Variants in MVB12B observed in about 807,000 individuals in gnomAD.
MVB12B encodes the protein multivesicular body subunit 12B, also known as ESCRT-I complex subunit MVB12B.
A neutral mutation model predicts 41.6 loss-of-function variants in MVB12B; 16 were observed. That is an observed-to-expected ratio of 0.38 (90% CI 0.26 to 0.58). MVB12B has a LOEUF of 0.58. Among genes scored for constraint, MVB12B ranks in the 20% least tolerant of loss-of-function variants. MVB12B has a pLI of 0.62. For missense variants in MVB12B, 274 were observed against 380.2 expected (o/e 0.72, Z 2.32); for synonymous variants, 133 against 139.7 (o/e 0.95, Z 0.34).
intron 6 of MVB12B, among the ~76,000 whole-genome samples, chr9:126,403,255 G>A (rs911040176): frequency 4.6e-5 from 7 of 152,096 alleles, no homozygotes; most frequent in African/African-American, 1.4e-4. Context: ...TCTTGGCTCC[G>A]GGGCACACCA....
intron 9 of MVB12B, among the ~76,000 whole-genome samples, chr9:126,498,267 G>C (rs145248826): frequency 0.012 from 1,851 of 152,138 alleles, 16 homozygotes; most frequent in Admixed American, 0.022. Context: ...GTGCTGAGCC[G>C]GGGGGGCTTG....
rs141171291 is a variant in MVB12B at position 126,423,026 on chromosome 9, A to G, written c.757+1078A>G. Among the ~76,000 whole-genome samples, 29 of 152,326 alleles carry G rather than the reference A, an allele frequency of 1.9e-4. 1 individual carries two copies. In the East Asian group the frequency reaches 5.6e-3, roughly 29 times the overall value. Reference sequence around the variant, plus strand: ...GTGTTTGTCTAAGAACAGCATCTCCAGGGAGAATTTCTTTTGTGCTGTGGC... The same window carrying G: ...GTGTTTGTCTAAGAACAGCATCTCCGGGGAGAATTTCTTTTGTGCTGTGGC... On this transcript the variant is annotated intron_variant, in intron 7 of 9. Transcript: ENST00000361171.
intron 2 of MVB12B, among the ~76,000 whole-genome samples, chr9:126,343,186 TA>T (rs1428785200): frequency 5.3e-5 from 8 of 152,246 alleles, no homozygotes; most frequent in Admixed American, 5.2e-4. Flanking sequence ...GATTATTTGC[TA>T]AACTTCTCAA....
At chr9:126,396,018 G>A (rs113781323) in intron 6 of MVB12B, 46 of 1,084,892 alleles carry the variant, frequency 4.2e-5, no homozygotes, top group Non-Finnish European at 5.2e-5. Flanking sequence ...ATGGGGTTGG[G>A]ATCACTGGCC....
chr9:126,417,045 C>A (rs1290138537), intron 6 of MVB12B, among the ~76,000 whole-genome samples: 1 of 152,204 alleles, frequency 6.6e-6, no homozygotes, highest in Non-Finnish European at 1.5e-5. Context: ...CTTGATGTGC[C>A]TTTCTGTCCT....
At chr9:126,442,408 A>T (rs1402583012) in intron 7 of MVB12B, among the ~76,000 whole-genome samples, 1 of 152,220 alleles carries the variant, frequency 6.6e-6, no homozygotes, top group Non-Finnish European at 1.5e-5. Flanking sequence ...ACTGTCATTC[A>T]TAATAGCTTA....
intron 6 of MVB12B, among the ~76,000 whole-genome samples, chr9:126,418,222 C>T (rs1375995147): frequency 1.3e-5 from 2 of 150,286 alleles, no homozygotes; most frequent in Non-Finnish European, 3.0e-5. Flanking sequence ...GAACCTGGGG[C>T]GGGGGTTGAG....
At chr9:126,384,065 G>T (rs917776) in intron 3 of MVB12B, among the ~76,000 whole-genome samples, 70,688 of 151,418 alleles carry the variant, frequency 0.47, 16,691 homozygotes, top group Middle Eastern at 0.57. Flanking sequence ...TCTCAATGCA[G>T]AAAGCAGTGA....
intron 7 of MVB12B, among the ~76,000 whole-genome samples, chr9:126,450,351 C>T (rs1310261787): frequency 6.6e-6 from 1 of 152,244 alleles, no homozygotes; most frequent in Non-Finnish European, 1.5e-5. Flanking sequence ...GCTCCCAGAG[C>T]AGCCTGGGAA....
chr9:126,335,504 C>G (rs1829248978), intron 1 of MVB12B: 2 of 821,108 alleles, frequency 2.4e-6, no homozygotes, highest in Admixed American at 2.3e-5. Context: ...TGGGGACAGG[C>G]AGTCCCTTGC....
At chr9:126,396,613 C>T (rs1419958156) in intron 6 of MVB12B, 4 of 985,324 alleles carry the variant, frequency 4.1e-6, no homozygotes, top group East Asian at 2.3e-4. Flanking sequence ...GTACTCTGTT[C>T]CTCTGTGCCA....
chr9:126,505,015 T>C lies in MVB12B; in HGVS notation c.*1752T>C, dbSNP rs1834038586. The C allele has an allele frequency of 6.6e-6, 1 of 152,246 alleles. No individual in the cohort carries two copies. The highest frequency in any genetic ancestry group is 2.4e-5 in the African/African-American group (1 of 41,414). The allele number at this position is 152,246 out of a possible 1,614,324, so 9.4% of individuals were successfully genotyped here. A position where few individuals can be genotyped will look rare whatever the true frequency, so the allele number is the denominator to read the frequency against. ...CCGTGGCTCCTCGGGTGGTGCCCTG[T>C]GTGACAAAGCCCAACAGCAAGGGTG... On this transcript the variant is annotated 3_prime_UTR_variant, in exon 10 of 10. Coordinates refer to ENST00000361171, the MANE Select transcript of MVB12B (RefSeq NM_033446.3).
chr9:126,372,978 G>T (rs1830382942), intron 2 of MVB12B, among the ~76,000 whole-genome samples: 1 of 152,174 alleles, frequency 6.6e-6, no homozygotes, highest in Non-Finnish European at 1.5e-5. Context: ...TGGAAAGCGG[G>T]TACAGTACTA....
chr9:126,371,286 C>T (rs558375060), intron 2 of MVB12B, among the ~76,000 whole-genome samples: 80 of 152,368 alleles, frequency 5.3e-4, no homozygotes, highest in African/African-American at 1.7e-3. Context: ...AACGGGAGCA[C>T]TTCTGGCCCA....
In MVB12B at chr9:126,465,187, T is replaced by C. The variant is rs1340116781; in HGVS notation, c.758-16182T>C. Among the ~76,000 whole-genome samples, 6 of 152,192 alleles carry C rather than the reference T, an allele frequency of 3.9e-5. No individual in the cohort carries two copies. In the East Asian group the frequency reaches 1.2e-3, roughly 29 times the overall value. On this transcript the variant is annotated intron_variant, in intron 7 of 9. Transcript: ENST00000361171. ...TATACATTGCATCCTCGGGTTTAAA[T>C]CCAGGTTCTCAAAAATTACCAATAC... is the stretch of plus-strand genomic sequence containing the variant.
At chr9:126,371,799 G>A (rs973886755) in intron 2 of MVB12B, among the ~76,000 whole-genome samples, 1 of 152,186 alleles carries the variant, frequency 6.6e-6, no homozygotes, top group Non-Finnish European at 1.5e-5. Context: ...AGAGATAATA[G>A]TAAGTAGGTA....
intron 1 of MVB12B, among the ~76,000 whole-genome samples, chr9:126,337,826 G>C (rs1829325516): frequency 6.6e-6 from 1 of 152,240 alleles, no homozygotes; most frequent in South Asian, 2.1e-4. Context: ...GATTTGATGT[G>C]AGAGGGCCCG....
Position 126,506,755 on chromosome 9 carries a change from A to C in MVB12B, c.*3492A>C, listed in dbSNP as rs1013547429. The C allele has an allele frequency of 1.3e-5, 2 of 152,146 alleles. No individual in the cohort carries two copies. The highest frequency in any genetic ancestry group is 4.8e-5 in the African/African-American group (2 of 41,418). 9.4% of individuals were successfully genotyped at this position (152,146 alleles called of 1,614,324 possible). ...ACGCCAGGCGCTCACCCCTGAGCCCACAGCCCCTGCTTGGGCTGCCTGGCA... is the reference window on the plus strand; with the variant it reads ...ACGCCAGGCGCTCACCCCTGAGCCCCCAGCCCCTGCTTGGGCTGCCTGGCA... On this transcript the variant is annotated 3_prime_UTR_variant, in exon 10 of 10. Coordinates refer to ENST00000361171, the MANE Select transcript of MVB12B (RefSeq NM_033446.3).
At chr9:126,398,338 A>G (rs1831176992) in intron 6 of MVB12B, among the ~76,000 whole-genome samples, 1 of 152,024 alleles carries the variant, frequency 6.6e-6, no homozygotes, top group Non-Finnish European at 1.5e-5. Context: ...CAACCCCTCC[A>G]GACTACTCCC....
Sources: gnomAD v4.1 joint callset for allele counts (sites outside exome capture counted in the v4.1 genomes callset) on GRCh38, gnomAD v4.1.1 for gene constraint, MANE v1.5 for transcripts, NCBI Gene and HGNC (gene_info 2026-07-23, HGNC 2026-07-21) for gene names.